The following AFF1 variants were observed in gnomAD, a reference collection of about 807,000 sequenced individuals.
The protein encoded by AFF1 is ALF transcription elongation factor 1.
In AFF1, 48 loss-of-function variants were observed where a neutral mutation model predicts 121.7. That is an observed-to-expected ratio of 0.39 (90% CI 0.31 to 0.50). The LOEUF (loss-of-function observed/expected upper bound fraction) is 0.50, where lower values mean the gene tolerates loss of function less well. Ranked by LOEUF, AFF1 falls within the 20% of genes least tolerant of loss-of-function variation. The pLI is 0.76. For missense variants in AFF1, 1,523 were observed against 1,511.7 expected (o/e 1.01, Z -0.12); for synonymous variants, 613 against 563.0 (o/e 1.09, Z -1.26).
intron 4 of AFF1, among the ~76,000 whole-genome samples, chr4:87,076,255 T>TA (rs1487837826): frequency 1.7e-5 from 2 of 121,128 alleles, no homozygotes; most frequent in African/African-American, 3.3e-5. Flanking sequence ...TTTAAAATAA[T>TA]CTTTTTTATC....
At chr4:87,003,732 C>G (rs1379082112) in intron 2 of AFF1, among the ~76,000 whole-genome samples, 4 of 152,098 alleles carry the variant, frequency 2.6e-5, no homozygotes, top group Non-Finnish European at 5.9e-5. Flanking sequence ...CATAAATGAT[C>G]ACAGTCAATA....
chr4:87,020,896 A>T (rs1485531070), intron 2 of AFF1: 2 of 913,132 alleles, frequency 2.2e-6, no homozygotes. Flanking sequence ...CTTTGAGTAT[A>T]GGTGATATTT....
Position 87,135,636 on chromosome 4 carries a change from G to T in AFF1, c.3592G>T (p.Val1198Leu). ...VCTLALNSSL[V>L]DLVHYTRQGF... ...CACCTTGGCCCTCAACAGCAGTTTG[G>T]TGGACCTGGTGCACTATACACGACA... The change falls in exon 21 of 21, where the codon GTG (valine) becomes TTG (leucine). Residue 1198 changes from valine (V) to leucine (L), a missense_variant. Coordinates refer to ENST00000395146, the MANE Select transcript of AFF1 (RefSeq NM_001166693.3). 1 of 1,612,596 alleles carries T rather than the reference G, an allele frequency of 6.2e-7. No homozygotes were observed. The highest frequency in any genetic ancestry group is 8.5e-7 in the Non-Finnish European group (1 of 1,179,262).
intron 2 of AFF1, among the ~76,000 whole-genome samples, chr4:86,957,927 T>C (rs1688130866): frequency 1.3e-5 from 2 of 152,196 alleles, no homozygotes; most frequent in African/African-American, 4.8e-5. Context: ...TTTGCTGAAC[T>C]ATTTTAAAGC....
rs747380414 is a variant in AFF1 at position 87,131,868 on chromosome 4, C to T, written c.3173+4C>T. 3.8e-6 allele frequency: 6 copies of T among 1,574,064 alleles called. No homozygotes were observed. Among genetic ancestry groups the T allele is most frequent in the East Asian group, 4.6e-5 (2 of 43,774 alleles). Reference sequence around the variant, plus strand: ...AGAAAATATTTGCTGTTTTATGGTGCGTATTTTCCTTTGTCTAAATAGTAC... The same window carrying T: ...AGAAAATATTTGCTGTTTTATGGTGTGTATTTTCCTTTGTCTAAATAGTAC... On this transcript the variant is annotated splice_donor_region_variant and intron_variant, in intron 18 of 20. Transcript: ENST00000395146.
At chr4:87,037,085 G>A (rs574367356) in intron 2 of AFF1, among the ~76,000 whole-genome samples, 2 of 152,226 alleles carry the variant, frequency 1.3e-5, no homozygotes, top group Admixed American at 1.3e-4. Context: ...AGTTTTCAGA[G>A]CTTCTAATGA....
At chr4:87,104,938 G>C (rs1045347762) in intron 8 of AFF1, among the ~76,000 whole-genome samples, 5 of 151,212 alleles carry the variant, frequency 3.3e-5, no homozygotes, top group African/African-American at 4.9e-5. Flanking sequence ...TTGTATTACT[G>C]TTCTTCCCAT....
chr4:87,118,030 T>A (rs941720448), intron 12 of AFF1, among the ~76,000 whole-genome samples: 5 of 152,250 alleles, frequency 3.3e-5, no homozygotes, highest in Non-Finnish European at 7.3e-5. Context: ...TGTGTTCATT[T>A]TAAATGTGAA....
intron 2 of AFF1, among the ~76,000 whole-genome samples, chr4:87,034,608 G>C (rs1729382748): frequency 6.6e-6 from 1 of 152,170 alleles, no homozygotes; most frequent in African/African-American, 2.4e-5. Flanking sequence ...TTCTTTTACT[G>C]TAGAGCACTT....
At chr4:87,053,781 T>C (rs554519012) in intron 4 of AFF1, among the ~76,000 whole-genome samples, 1 of 152,338 alleles carries the variant, frequency 6.6e-6, no homozygotes, top group Admixed American at 6.5e-5. Context: ...AAACTGACAT[T>C]AGTCAAGTAA....
In AFF1 at chr4:86,991,288, C is replaced by CA. The variant is rs956262105; in HGVS notation, c.38+42724dup. On this transcript the variant is annotated intron_variant, in intron 2 of 20. Coordinates refer to ENST00000395146, the MANE Select transcript of AFF1 (RefSeq NM_001166693.3). ...TGAAACCCTGTCTCTACTAAAAATA[C>CA]AAAAAAATTAGCCGGGCTTGGTGGC... Among the ~76,000 whole-genome samples, 78 of 150,938 alleles carry CA rather than the reference C, an allele frequency of 5.2e-4. 1 individual carries two copies. In the East Asian group the frequency reaches 0.01, roughly 20 times the overall value.
chr4:87,101,661 C>G (rs1166708097), intron 8 of AFF1, among the ~76,000 whole-genome samples: 1 of 152,052 alleles, frequency 6.6e-6, no homozygotes, highest in Non-Finnish European at 1.5e-5. Context: ...CATTGCCCAT[C>G]CTATCCCCGG....
intron 5 of AFF1, among the ~76,000 whole-genome samples, chr4:87,084,790 A>T (rs918317036): frequency 5.9e-5 from 9 of 152,186 alleles, no homozygotes; most frequent in African/African-American, 2.2e-4. Flanking sequence ...TTTTTATGGC[A>T]TCTCTCGTTA....
At chr4:87,019,702 C>T (rs1727687607) in intron 2 of AFF1, among the ~76,000 whole-genome samples, 2 of 152,214 alleles carry the variant, frequency 1.3e-5, no homozygotes, top group Non-Finnish European at 2.9e-5. Context: ...TCTCACCTTA[C>T]ACATCTCTTC....
At chr4:87,092,665 T>C (rs1225210332) in intron 7 of AFF1, among the ~76,000 whole-genome samples, 4 of 152,148 alleles carry the variant, frequency 2.6e-5, no homozygotes, top group Non-Finnish European at 4.4e-5. Flanking sequence ...ATATTTATTG[T>C]CTGGCCTCTG....
At chr4:87,064,133 A>C (rs145415482) in intron 4 of AFF1, among the ~76,000 whole-genome samples, 2 of 152,358 alleles carry the variant, frequency 1.3e-5, no homozygotes, top group Non-Finnish European at 2.9e-5. Context: ...GGCAAGGGCT[A>C]GTGTGTAAAG....
chr4:87,110,175 A>AT (rs144619300), intron 11 of AFF1, among the ~76,000 whole-genome samples: 3,291 of 149,160 alleles, frequency 0.022, 127 homozygotes, highest in African/African-American at 0.076. Flanking sequence ...CCTTTTTTTT[A>AT]TTTTTTTTTA....
chr4:86,961,524 A>G (rs1392738093), intron 2 of AFF1, among the ~76,000 whole-genome samples: 2 of 151,574 alleles, frequency 1.3e-5, no homozygotes, highest in South Asian at 2.1e-4. Context: ...AGAAACGTGC[A>G]TCTTTTCCAG....
chr4:87,053,602 A>G (rs980899620), intron 4 of AFF1, among the ~76,000 whole-genome samples: 3 of 152,238 alleles, frequency 2.0e-5, no homozygotes, highest in Non-Finnish European at 4.4e-5. Flanking sequence ...GCACCACTCA[A>G]AACACATTTA....
Sources: allele counts gnomAD v4.1 joint callset (sites outside exome capture counted in the v4.1 genomes callset), GRCh38; gene constraint gnomAD v4.1.1; transcripts MANE v1.5; gene names NCBI Gene and HGNC (gene_info 2026-07-23, HGNC 2026-07-21).